ARIH2: variants seen among roughly 807,000 people sequenced by gnomAD.
ARIH2 encodes E3 ubiquitin-protein ligase ARIH2.
ARIH2 carries 12 observed loss-of-function variants against 79.8 expected under a neutral mutation model. The ratio of observed to expected loss-of-function variants is 0.15; its 90% CI spans 0.10 to 0.24. The LOEUF (loss-of-function observed/expected upper bound fraction) is 0.24. Ranked by LOEUF, ARIH2 falls within the 10% of genes least tolerant of loss-of-function variation. The pLI is 1.00. For synonymous variants in ARIH2, 224 were observed against 213.9 expected (o/e 1.05, Z -0.41); for missense variants, 301 against 618.3 (o/e 0.49, Z 5.44).
At chr3:48,979,434 G>C in intron 11 of ARIH2, 48 bp from the exon 12 acceptor site, 1 of 1,592,928 alleles carries the variant, frequency 6.3e-7, no homozygotes, top group Non-Finnish European at 8.6e-7. Flanking sequence ...ATGGAGGAAA[G>C]TGGAGTTGTC....
rs1208090185 is a variant in ARIH2, at chr3:48,961,627, G to A, written c.271G>A (p.Ala91Thr). Residue 91 changes from alanine to threonine, a missense_variant, in exon 4 of 16, where the codon GCT (alanine) becomes ACT (threonine). Transcript: ENST00000356401. ...ASVLKVSHSV[A>T]KLILVNFHWQ... is the part of the protein sequence containing the mutation. Reference sequence around the variant, plus strand: ...TTCTTTCTAGGTATCTCATTCAGTTGCTAAACTTATATTAGTTAATTTCCA... The same window carrying A: ...TTCTTTCTAGGTATCTCATTCAGTTACTAAACTTATATTAGTTAATTTCCA... The A allele has an allele frequency of 1.9e-6, 3 of 1,605,030 alleles. No homozygotes were observed. Among genetic ancestry groups the A allele is most frequent in the Non-Finnish European group, 2.6e-6 (3 of 1,172,324 alleles).
chr3:48,924,341 T>C (rs1464669523), intron 2 of ARIH2, among the ~76,000 whole-genome samples: 1 of 151,366 alleles, frequency 6.6e-6, no homozygotes, highest in Non-Finnish European at 1.5e-5. Context: ...AGTAGAAGAT[T>C]ATTTACCTGA....
chr3:48,920,301 A>T (rs2084629528), intron 1 of ARIH2, among the ~76,000 whole-genome samples: 1 of 151,706 alleles, frequency 6.6e-6, no homozygotes, highest in African/African-American at 2.4e-5. Context: ...TTTTTTTTGA[A>T]AAAGTGCCCG....
intron 13 of ARIH2, among the ~76,000 whole-genome samples, chr3:48,981,116 G>T (rs183388083): frequency 2.0e-5 from 3 of 150,864 alleles, no homozygotes; most frequent in Non-Finnish European, 1.5e-5. Flanking sequence ...CATTGCTTGA[G>T]CCCAGGAGTT....
At chr3:48,919,058 T>A in intron 1 of ARIH2, 60 bp downstream of exon 1, 1 of 1,319,036 alleles carries the variant, frequency 7.6e-7, no homozygotes, top group Non-Finnish European at 9.6e-7. Flanking sequence ...GGGGGGCCTC[T>A]CCGCGCGCCT....
At chr3:48,953,995 C>A (rs1200460135) in intron 3 of ARIH2, among the ~76,000 whole-genome samples, 2 of 151,028 alleles carry the variant, frequency 1.3e-5, no homozygotes, top group Non-Finnish European at 2.9e-5. Context: ...GAAACACTCT[C>A]TACTAAAATA....
chr3:48,981,883 A>G (rs2092764028), intron 14 of ARIH2, among the ~76,000 whole-genome samples, 155 bp downstream of exon 14: 1 of 152,144 alleles, frequency 6.6e-6, no homozygotes, highest in African/African-American at 2.4e-5. Context: ...TGCTCTGGGC[A>G]CCTCCAAAAT....
intron 3 of ARIH2, among the ~76,000 whole-genome samples, chr3:48,938,725 G>A (rs2087538933): frequency 6.6e-6 from 1 of 151,950 alleles, no homozygotes; most frequent in Non-Finnish European, 1.5e-5. Context: ...CAAACAGAAT[G>A]GGTTGGAGTG....
chr3:48,948,065 A>G (rs2089437256), intron 3 of ARIH2, among the ~76,000 whole-genome samples: 1 of 152,054 alleles, frequency 6.6e-6, no homozygotes, highest in African/African-American at 2.4e-5. Context: ...GGTTCACGCC[A>G]TTCTCCTGCC....
intron 3 of ARIH2, among the ~76,000 whole-genome samples, chr3:48,955,918 A>G (rs927322378): frequency 6.6e-6 from 1 of 151,902 alleles, no homozygotes; most frequent in Non-Finnish European, 1.5e-5. Flanking sequence ...TCATTTTCTC[A>G]CTGTTTTTCT....
intron 3 of ARIH2, among the ~76,000 whole-genome samples, chr3:48,929,908 G>A (rs2086144869): frequency 6.6e-6 from 1 of 152,174 alleles, no homozygotes; most frequent in Non-Finnish European, 1.5e-5. Flanking sequence ...TTAAGACTGA[G>A]AAGAGTAAGA....
intron 4 of ARIH2, among the ~76,000 whole-genome samples, chr3:48,962,103 G>A (rs1339994692): frequency 1.3e-5 from 2 of 152,104 alleles, no homozygotes; most frequent in Non-Finnish European, 1.5e-5. Context: ...CTGGCTGTAC[G>A]TGGTGGCTCA....
chr3:48,983,271 G>A lies in ARIH2; in HGVS notation c.*1G>A. 6.2e-7 allele frequency: 1 copy of A among 1,614,126 alleles called. No homozygotes were observed. The highest frequency in any genetic ancestry group is 8.5e-7 in the Non-Finnish European group (1 of 1,180,024). The stretch of plus-strand genomic sequence containing the variant: ...GCTGAAAGATTTCCATGACACCTAA[G>A]TTGGGATGTGGATGTGCCGGGGTGA... On this transcript the variant is annotated 3_prime_UTR_variant, in exon 16 of 16. Transcript: ENST00000356401.
intron 1 of ARIH2, chr3:48,919,206 C>T (rs2084372795): frequency 1.6e-6 from 2 of 1,280,616 alleles, no homozygotes; most frequent in Non-Finnish European, 2.0e-6. Flanking sequence ...CCTCCCGCCG[C>T]CTTCTCAGCT....
intron 3 of ARIH2, among the ~76,000 whole-genome samples, chr3:48,958,680 G>C (rs2107501099): frequency 6.6e-6 from 1 of 152,104 alleles, no homozygotes; most frequent in South Asian, 2.1e-4. Context: ...CTGCACTCCA[G>C]CCAGGGCAAC....
At chr3:48,945,735 A>G (rs2089028740) in intron 3 of ARIH2, among the ~76,000 whole-genome samples, 1 of 152,182 alleles carries the variant, frequency 6.6e-6, no homozygotes, top group Non-Finnish European at 1.5e-5. Flanking sequence ...GAAATCAGAA[A>G]ATAAGTTTGT....
intron 3 of ARIH2, among the ~76,000 whole-genome samples, chr3:48,938,113 T>C (rs1197815579): frequency 6.6e-6 from 1 of 151,884 alleles, no homozygotes; most frequent in Non-Finnish European, 1.5e-5. Context: ...TTCACCAGGT[T>C]GGCCAGGCTG....
intron 7 of ARIH2, 51 bp downstream of exon 7, chr3:48,968,706 C>G (rs1222056715): frequency 1.3e-6 from 2 of 1,581,016 alleles, no homozygotes; most frequent in African/African-American, 1.4e-5. Context: ...TACCTTCCAT[C>G]AGAGGGTCAC....
At chr3:48,932,541 A>T (rs1430673492) in intron 3 of ARIH2, among the ~76,000 whole-genome samples, 1 of 152,112 alleles carries the variant, frequency 6.6e-6, no homozygotes, top group East Asian at 1.9e-4. Flanking sequence ...AATTTTTTTC[A>T]GTTATTCAGT....
Sources: allele counts gnomAD v4.1 joint callset (sites outside exome capture counted in the v4.1 genomes callset), GRCh38; gene constraint gnomAD v4.1.1; transcripts MANE v1.5; gene names NCBI Gene and HGNC (gene_info 2026-07-23, HGNC 2026-07-21).